Variants in PDGFD observed in about 807,000 individuals in gnomAD.
The protein encoded by PDGFD is platelet derived growth factor D, also known as platelet-derived growth factor D.
PDGFD carries 30 observed loss-of-function variants against 44.7 expected under a neutral mutation model. The ratio of observed to expected loss-of-function variants is 0.67; its 90% CI spans 0.50 to 0.91. The LOEUF is 0.91. Among genes scored for constraint, PDGFD ranks in the 40% least tolerant of loss-of-function variants. The pLI, the probability that PDGFD is intolerant of heterozygous loss-of-function variation, is 0.00. For synonymous variants in PDGFD, 173 were observed against 168.4 expected, an observed-to-expected ratio of 1.03 and a Z score of -0.21; for missense variants, 445 against 457.8, an observed-to-expected ratio of 0.97 and a Z score of 0.25.
intron 1 of PDGFD, among the ~76,000 whole-genome samples, chr11:104,091,503 G>T (rs1169891273): frequency 6.6e-6 from 1 of 152,132 alleles, no homozygotes; most frequent in Non-Finnish European, 1.5e-5. Flanking sequence ...TTCAAAAATT[G>T]ATTTACATTG....
chr11:103,995,590 A>T (rs1377725079), intron 3 of PDGFD, among the ~76,000 whole-genome samples: 1 of 152,208 alleles, frequency 6.6e-6, no homozygotes, highest in Admixed American at 6.5e-5. Context: ...AGGCTCTATG[A>T]TTATAACACA....
intron 5 of PDGFD, among the ~76,000 whole-genome samples, chr11:103,935,747 T>C (rs1014510858): frequency 2.0e-5 from 3 of 152,182 alleles, no homozygotes; most frequent in African/African-American, 7.2e-5. Flanking sequence ...ATTCAAATAA[T>C]AACAGTAGCT....
intron 1 of PDGFD, among the ~76,000 whole-genome samples, chr11:104,122,755 T>C (rs1056257197): frequency 1.3e-5 from 2 of 152,084 alleles, no homozygotes. Context: ...ATCAAAAGTC[T>C]TGTGAAAGGA....
chr11:104,084,876 A>G (rs1861106777), intron 1 of PDGFD, among the ~76,000 whole-genome samples: 1 of 128,680 alleles, frequency 7.8e-6, no homozygotes, highest in South Asian at 2.1e-4. Context: ...ATAAAAATAT[A>G]TAATGAATAT....
intron 1 of PDGFD, among the ~76,000 whole-genome samples, chr11:104,009,464 C>T (rs1236985368): frequency 7.7e-6 from 1 of 130,154 alleles, no homozygotes; most frequent in Non-Finnish European, 1.7e-5. Flanking sequence ...ATCATTACTA[C>T]TCAATGACCT....
intron 1 of PDGFD, among the ~76,000 whole-genome samples, chr11:104,004,058 A>T (rs1429262026): frequency 6.6e-6 from 1 of 152,234 alleles, no homozygotes; most frequent in Non-Finnish European, 1.5e-5. Context: ...ATCCTTTCAA[A>T]GTACACTTTT....
intron 1 of PDGFD, chr11:104,037,751 A>C (rs932829418): frequency 3.7e-6 from 6 of 1,614,100 alleles, no homozygotes; most frequent in South Asian, 3.3e-5. Context: ...ATTCAAATTG[A>C]AGGTGATTTC....
intron 1 of PDGFD, among the ~76,000 whole-genome samples, chr11:104,106,278 C>T (rs917694974): frequency 1.3e-5 from 2 of 152,128 alleles, no homozygotes; most frequent in African/African-American, 4.8e-5. Flanking sequence ...CATGAACCCA[C>T]TAATTGATAG....
chr11:104,122,911 T>C (rs1219452249), intron 1 of PDGFD, among the ~76,000 whole-genome samples: 1 of 151,922 alleles, frequency 6.6e-6, no homozygotes, highest in Non-Finnish European at 1.5e-5. Flanking sequence ...AAAAAAAAAT[T>C]ACTAGGTCCT....
At position 104,078,871 on chromosome 11, in the gene PDGFD, ACTTTATAT is replaced by A. The variant is rs1861005306; in HGVS notation, c.125-78624_125-78617del. ...ACCATATTATTTATTTACTTTATAT[ACTTTATAT>A]ATGTATCCTAAATATATGCAAGATT... On this transcript the variant is annotated intron_variant, in intron 1 of 6. Coordinates refer to ENST00000393158, the MANE Select transcript of PDGFD (RefSeq NM_025208.5). Among the ~76,000 whole-genome samples, 2 of 47,826 alleles carry A rather than the reference ACTTTATAT, an allele frequency of 4.2e-5. 1 individual carries two copies. The highest frequency in any genetic ancestry group is 6.8e-5 in the Non-Finnish European group (2 of 29,574). 31.4% of individuals were successfully genotyped at this position (47,826 alleles called of 152,430 possible).
chr11:104,082,418 T>C (rs947469980), intron 1 of PDGFD, among the ~76,000 whole-genome samples: 2 of 151,952 alleles, frequency 1.3e-5, no homozygotes, highest in African/African-American at 2.4e-5. Flanking sequence ...ACAAGAAAGA[T>C]ACCATTTTCT....
At chr11:103,913,622 G>T (rs1184490739) in intron 6 of PDGFD, among the ~76,000 whole-genome samples, 1 of 152,134 alleles carries the variant, frequency 6.6e-6, no homozygotes, top group African/African-American at 2.4e-5. Context: ...AAATTCAAAA[G>T]CTAGCAGAAG....
chr11:103,956,067 A>ATT (rs34481866), intron 3 of PDGFD, among the ~76,000 whole-genome samples: 2 of 143,866 alleles, frequency 1.4e-5, no homozygotes, highest in East Asian at 4.1e-4. Context: ...TAGTTTGGGA[A>ATT]TTTTTTTTTT....
chr11:104,062,848 C>T lies in PDGFD; in HGVS notation c.125-62593G>A, dbSNP rs147776018. On this transcript the variant is annotated intron_variant, in intron 1 of 6. Coordinates refer to ENST00000393158, the MANE Select transcript of PDGFD (RefSeq NM_025208.5). ...CTAATGAATTTGATGATCAGATATG[C>T]AGCCTTCTCTAGAGATACAAATATA... is the stretch of plus-strand genomic sequence containing the variant. Among the ~76,000 whole-genome samples, 1,287 of 152,312 alleles carry T rather than the reference C, an allele frequency of 8.4e-3. 24 individuals carry two copies. Among genetic ancestry groups the T allele is most frequent in the African/African-American group, 0.029 (1,202 of 41,568 alleles).
At chr11:104,086,228 A>C (rs1453727070) in intron 1 of PDGFD, among the ~76,000 whole-genome samples, 1 of 152,166 alleles carries the variant, frequency 6.6e-6, no homozygotes, top group Non-Finnish European at 1.5e-5. Flanking sequence ...TGATTGAAGA[A>C]GATGTGGGAG....
chr11:103,909,774 T>C lies in PDGFD; in HGVS notation c.1033A>G (p.Lys345Glu). 6.2e-7 allele frequency: 1 copy of C among 1,614,150 alleles called. No individual in the cohort carries two copies. Among genetic ancestry groups the C allele is most frequent in the South Asian group, 1.1e-5 (1 of 91,090 alleles). Residue 345 changes from lysine to glutamate, a missense_variant, in exon 7 of 7, where the codon AAG becomes GAG. By Grantham distance (56) the Lys-to-Glu change is moderately conservative (BLOSUM62 1). Coordinates refer to ENST00000393158, the MANE Select transcript of PDGFD (RefSeq NM_025208.5). ...TGGATGTCAACTAGAGCCATGGTCTTAGCTCTACCCCTCCTCTTGATGTGG... is the reference window on the plus strand; with the variant it reads ...TGGATGTCAACTAGAGCCATGGTCTCAGCTCTACCCCTCCTCTTGATGTGG... ...PGHIKRRGRAKTMALVDIQLD... is the reference protein window; with the variant it reads ...PGHIKRRGRAETMALVDIQLD...
intron 1 of PDGFD, among the ~76,000 whole-genome samples, chr11:104,146,219 TA>T (rs1212072048): frequency 5.9e-5 from 9 of 152,206 alleles, no homozygotes; most frequent in African/African-American, 9.6e-5. Flanking sequence ...AACATTTAAT[TA>T]AATTATGTAA....
chr11:104,013,427 C>G (rs1007091129), intron 1 of PDGFD, among the ~76,000 whole-genome samples: 1 of 152,090 alleles, frequency 6.6e-6, no homozygotes, highest in African/African-American at 2.4e-5. Context: ...TGTAACACAC[C>G]CCTAGATGCT....
chr11:103,990,866 G>A (rs1365444580), intron 3 of PDGFD, among the ~76,000 whole-genome samples: 3 of 152,028 alleles, frequency 2.0e-5, no homozygotes, highest in East Asian at 1.9e-4. Context: ...AGGGCCAGGC[G>A]CGGTGGTTCA....
Sources: gnomAD v4.1 joint callset for allele counts (sites outside exome capture counted in the v4.1 genomes callset) on GRCh38, gnomAD v4.1.1 for gene constraint, MANE v1.5 for transcripts, NCBI Gene and HGNC (gene_info 2026-07-23, HGNC 2026-07-21) for gene names.